The following FANCA variants were observed in gnomAD, a reference collection of about 807,000 sequenced individuals.
FANCA encodes FA complementation group A, also known as Fanconi anemia group A protein.
A neutral mutation model predicts 194.3 loss-of-function variants in FANCA; 236 were observed. The ratio of observed to expected loss-of-function variants is 1.21; its 90% confidence interval spans 1.09 to 1.35. The LOEUF (loss-of-function observed/expected upper bound fraction) is 1.35. Among genes scored for constraint, FANCA ranks in the 40% most tolerant of loss-of-function variants. The pLI, the probability that FANCA is intolerant of heterozygous loss-of-function variation, is 0.00. For synonymous variants in FANCA, 1,014 were observed against 715.8 expected (o/e 1.42, Z -6.65); for missense variants, 2,628 against 1,813.9 (o/e 1.45, Z -8.15).
chr16:89,772,767 C>T (rs1385024389), intron 22 of FANCA, among the ~76,000 whole-genome samples: 7 of 141,878 alleles, frequency 4.9e-5, no homozygotes, highest in Non-Finnish European at 9.2e-5. Context: ...TGCAGTGAGC[C>T]GAGATGGCGC....
intron 29 of FANCA, among the ~76,000 whole-genome samples, chr16:89,759,572 G>A (rs764873665): frequency 6.6e-6 from 1 of 151,734 alleles, no homozygotes; most frequent in Non-Finnish European, 1.5e-5. Flanking sequence ...ATCAGCCTGA[G>A]CAACAAAGGG....
chr16:89,792,666 G>T lies in FANCA; in HGVS notation c.1007-119C>A, dbSNP rs186677967. 7.8e-4 allele frequency: 619 copies of T among 790,540 alleles called. 3 individuals are homozygous for T. The African/African-American group carries it at 9.9e-3, about 13-fold the overall frequency. 49.0% of individuals were successfully genotyped at this position (790,540 alleles called of 1,614,324 possible). ...TCCCCGTGTGCGGCGACGAGAGAGT[G>T]TAGAAAGAAAGATACAAGACAAAGA... is the stretch of plus-strand genomic sequence containing the variant. On this transcript the variant is annotated intron_variant, in intron 11 of 42. Coordinates refer to ENST00000389301, the MANE Select transcript of FANCA (RefSeq NM_000135.4).
At chr16:89,774,002 C>A (rs1464875662) in intron 21 of FANCA, among the ~76,000 whole-genome samples, 1 of 152,094 alleles carries the variant, frequency 6.6e-6, no homozygotes, top group Non-Finnish European at 1.5e-5. Flanking sequence ...ATCTCCTGAC[C>A]TCATGATTTG....
rs1336095406 is a variant in FANCA, at chr16:89,778,818, A to C, written c.1809T>G (p.Phe603Leu). The C allele has an allele frequency of 6.2e-7, 1 of 1,613,924 alleles. No individual in the cohort carries two copies. The highest frequency in any genetic ancestry group is 8.5e-7 in the Non-Finnish European group (1 of 1,180,000). ...LPKVPDSRVA[F>L]IESLKRADKI... ...CTGCATACCTCTTCAGAGACTCTAT[A>C]AACGCCACACGGGAGTCAGGGACTT... is the stretch of plus-strand genomic sequence containing the variant. Residue 603 changes from phenylalanine to leucine, a missense_variant, in exon 20 of 43, where the codon TTT becomes TTG. By Grantham distance (22) the Phe-to-Leu change is conservative. Transcript: ENST00000389301.
intron 2 of FANCA, among the ~76,000 whole-genome samples, chr16:89,815,463 C>A (rs1412474978): frequency 2.0e-5 from 3 of 149,068 alleles, no homozygotes; most frequent in Non-Finnish European, 4.4e-5. Flanking sequence ...TCAAGCAATT[C>A]TCCTGCCTCA....
intron 5 of FANCA, among the ~76,000 whole-genome samples, chr16:89,810,301 C>T (rs916352183): frequency 2.1e-5 from 3 of 144,964 alleles, no homozygotes; most frequent in African/African-American, 5.1e-5. Context: ...CCAGCCTGTG[C>T]GACAGAGCGA....
Position 89,773,104 on chromosome 16 carries a change from T to G in FANCA, c.2014+167A>C, listed in dbSNP as rs527509404. On this transcript the variant is annotated intron_variant, in intron 22 of 42. Coordinates refer to ENST00000389301, the MANE Select transcript of FANCA (RefSeq NM_000135.4). Reference sequence around the variant, plus strand: ...TCAGTAGGACTAGCCTTCCACCTTGTCTCAAAAAAGGTTCCACACCCGCCA... The same window carrying G: ...TCAGTAGGACTAGCCTTCCACCTTGGCTCAAAAAAGGTTCCACACCCGCCA... Among the ~76,000 whole-genome samples the G allele has an allele frequency of 2.6e-5, 4 of 152,234 alleles. No individual in the cohort carries two copies. The South Asian group carries it at 8.3e-4, about 32-fold the overall frequency.
intron 23 of FANCA, among the ~76,000 whole-genome samples, chr16:89,771,022 G>T (rs929413530): frequency 4.6e-5 from 7 of 152,020 alleles, no homozygotes; most frequent in African/African-American, 1.7e-4. Context: ...AAAATTAGCT[G>T]GGCGTAGTGG....
At chr16:89,777,691 C>A (rs915254891) in intron 20 of FANCA, among the ~76,000 whole-genome samples, 21 of 152,008 alleles carry the variant, frequency 1.4e-4, no homozygotes, top group African/African-American at 5.1e-4. Context: ...TGATACCAAC[C>A]AACTTTCTTA....
chr16:89,779,092 T>G, intron 18 of FANCA, 89 bp from the exon 19 acceptor site: 1 of 1,254,398 alleles, frequency 8.0e-7, no homozygotes, highest in Non-Finnish European at 1.2e-6. Flanking sequence ...GAGAGTGGAC[T>G]GCGAGGGCTC....
At chr16:89,764,728 C>T (rs751542920) in intron 28 of FANCA, 162 bp downstream of exon 28, 54 of 855,468 alleles carry the variant, frequency 6.3e-5, no homozygotes, top group Middle Eastern at 2.2e-4. Flanking sequence ...ACCCTAGACT[C>T]GAGACGAGGA....
chr16:89,811,126 A>G (rs2040863323), intron 3 of FANCA, 55 bp from the exon 4 acceptor site: 1 of 1,611,500 alleles, frequency 6.2e-7, no homozygotes, highest in African/African-American at 1.3e-5. Context: ...CAAAATCTAA[A>G]ACCAAAGACT....
In FANCA at chr16:89,775,663, G is replaced by A. The variant is rs112509257; in HGVS notation, c.1900+79C>T. On this transcript the variant is annotated intron_variant, in intron 21 of 42. Transcript: ENST00000389301. ...AGCCACCCCCGAGCTCACTCGGGTG[G>A]TGTAGCACAACAGACACTCAAGGTT... is the stretch of plus-strand genomic sequence containing the variant. The A allele has an allele frequency of 1.9e-5, 23 of 1,200,694 alleles. 1 individual carries two copies. The highest frequency in any genetic ancestry group is 1.2e-4 in the African/African-American group (8 of 66,490). The allele number at this position is 1,200,694 out of a possible 1,614,324, so 74.4% of individuals were successfully genotyped here.
Position 89,805,334 on chromosome 16 carries a change from C to T in FANCA, c.655G>A (p.Glu219Lys). ...TGCTGGCAGGATGCTTCCATCTGTT[C>T]ACAAAGGCAGCACAGATTCCTGAAG... ...WLFRNLCCLC[E>K]QMEASCQHAD... The change falls in exon 7 of 43, where the codon GAA (glutamate) becomes AAA (lysine). Residue 219 changes from glutamate (E) to lysine (K), a missense_variant. Coordinates refer to ENST00000389301, the MANE Select transcript of FANCA (RefSeq NM_000135.4). 6.2e-7 allele frequency: 1 copy of T among 1,614,062 alleles called. No individual in the cohort carries two copies. The highest frequency in any genetic ancestry group is 8.5e-7 in the Non-Finnish European group (1 of 1,179,990).
chr16:89,807,184 CTTTTT>C (rs1011419652), intron 6 of FANCA, among the ~76,000 whole-genome samples: 2 of 134,376 alleles, frequency 1.5e-5, no homozygotes, highest in East Asian at 2.1e-4. Flanking sequence ...GCAGGTTTTT[CTTTTT>C]TTTTTTTTTT....
chr16:89,808,221 T>C, intron 6 of FANCA, 73 bp downstream of exon 6: 3 of 1,420,292 alleles, frequency 2.1e-6, no homozygotes, highest in South Asian at 2.3e-5. Flanking sequence ...CGTCTGATTC[T>C]GGGCTTTGAA....
Position 89,766,588 on chromosome 16 carries a change from G to A in FANCA, c.2601+553C>T, listed in dbSNP as rs866821429. ...CAATTAGCCGGGTATGGTGGCACGT[G>A]CCTGTAATCCCAGCAACTTGGGAAG... On this transcript the variant is annotated intron_variant, in intron 27 of 42. Transcript: ENST00000389301. Among the ~76,000 whole-genome samples, 7 of 152,032 alleles carry A rather than the reference G, an allele frequency of 4.6e-5. 1 individual carries two copies. Among genetic ancestry groups the A allele is most frequent in the Middle Eastern group, 6.8e-3 (2 of 294 alleles).
rs1403377153 is a variant in FANCA, at chr16:89,810,723, T to A, written c.506A>T (p.Glu169Val). 1.2e-6 allele frequency: 2 copies of A among 1,609,890 alleles called. No homozygotes were observed. The highest frequency in any genetic ancestry group is 4.5e-5 in the East Asian group (2 of 44,882). ...SMFSRLSFCQ[E>V]LWKIQSSLLL... ...CAAATTTACCTGTATTTTCCATAAT[T>A]CTTGACAGAAGGAAAGACGGGAGAA... Residue 169 changes from glutamate (E) to valine (V), a missense_variant, in exon 5 of 43, where the codon GAA becomes GTA. By Grantham distance (121) the Glu-to-Val change is moderately radical (BLOSUM62 -2). Transcript: ENST00000389301.
chr16:89,794,835 G>A (rs919094779), intron 11 of FANCA, among the ~76,000 whole-genome samples: 6 of 152,196 alleles, frequency 3.9e-5, no homozygotes, highest in African/African-American at 1.4e-4. Context: ...CTGGGCAGAC[G>A]ATGCCTGGGC....
Sources: gnomAD v4.1 joint callset for allele counts (sites outside exome capture counted in the v4.1 genomes callset) on GRCh38, gnomAD v4.1.1 for gene constraint, MANE v1.5 for transcripts, NCBI Gene and HGNC (gene_info 2026-07-23, HGNC 2026-07-21) for gene names.